NBAS: variants seen among roughly 807,000 people sequenced by gnomAD.
NBAS encodes NBAS subunit of NRZ tethering complex.
A neutral mutation model predicts 302.5 loss-of-function variants in NBAS; 219 were observed. The ratio of observed to expected loss-of-function variants is 0.72; its 90% confidence interval spans 0.65 to 0.81. The LOEUF (loss-of-function observed/expected upper bound fraction) is 0.81, where lower values mean the gene tolerates loss of function less well. Ranked by LOEUF, NBAS falls within the 30% of genes least tolerant of loss-of-function variation. The probability of loss-of-function intolerance (pLI) is 0.00; values close to 1 mark genes in which losing one functional copy is unlikely to be tolerated. For synonymous variants in NBAS, 1,118 were observed against 1,021.6 expected, an observed-to-expected ratio of 1.09 and a Z score of -1.80; for missense variants, 2,932 against 2,841.6, an observed-to-expected ratio of 1.03 and a Z score of -0.72.
the NBAS span, among the ~76,000 whole-genome samples, chr2:15,072,494 T>TA: frequency 4.8e-3 from 726 of 152,022 alleles, 6 homozygotes; most frequent in African/African-American, 0.017. Context: ...TGAAGATTTT[T>TA]AAAAAAATTT....
At chr2:15,218,702 AC>A in intron 48 of NBAS, 70 bp downstream of exon 48, 1 of 1,597,632 alleles carries the variant, frequency 6.3e-7, no homozygotes, top group Non-Finnish European at 8.6e-7. Context: ...TGCTGGGATT[AC>A]AGGCGTGAGC....
chr2:15,003,767 A>C, the NBAS span, among the ~76,000 whole-genome samples: 1 of 152,230 alleles, frequency 6.6e-6, no homozygotes, highest in African/African-American at 2.4e-5. Context: ...GGCTCTAACC[A>C]ACCAGGGGCA....
At chr2:15,052,432 C>A in the NBAS span, among the ~76,000 whole-genome samples, 1 of 152,186 alleles carries the variant, frequency 6.6e-6, no homozygotes, top group Non-Finnish European at 1.5e-5. Flanking sequence ...TCAACTTGTA[C>A]CCAAGAACAC....
In NBAS at chr2:15,467,852, C is replaced by G. The variant is rs368596116; in HGVS notation, c.1878-48G>C. On this transcript the variant is annotated intron_variant, in intron 17 of 51. Coordinates refer to ENST00000281513, the MANE Select transcript of NBAS (RefSeq NM_015909.4). ...ATATTTTCATCATTTTTAAAAACTTCGTGTTGTGAAAAGCTTTCTCCTATT... is the reference window on the plus strand; with the variant it reads ...ATATTTTCATCATTTTTAAAAACTTGGTGTTGTGAAAAGCTTTCTCCTATT... The G allele has an allele frequency of 5.6e-6, 8 of 1,436,274 alleles. No homozygotes were observed. The Admixed American group carries it at 1.3e-4, about 23-fold the overall frequency. The allele number at this position is 1,436,274 out of a possible 1,614,324, so 89.0% of individuals were successfully genotyped here.
chr2:15,197,413 G>A (rs1354127156), intron 48 of NBAS, among the ~76,000 whole-genome samples: 1 of 152,118 alleles, frequency 6.6e-6, no homozygotes, highest in Non-Finnish European at 1.5e-5. Context: ...TCTGTAATTT[G>A]TGCTGATGAC....
chr2:15,300,808 A>G (rs1415192758), intron 40 of NBAS, among the ~76,000 whole-genome samples: 2 of 152,202 alleles, frequency 1.3e-5, no homozygotes, highest in East Asian at 1.9e-4. Context: ...AAGGAGGCCA[A>G]GTAAGTTTCA....
At position 15,459,664 on chromosome 2, in the gene NBAS, A is replaced by G. The variant is rs1572883846; in HGVS notation, c.2339+1537T>C. ...CCAGCTAATTTTTTATATTTTTAGTAGAGATGGGGTTTCACCATGTTAGCC... is the reference window on the plus strand; with the variant it reads ...CCAGCTAATTTTTTATATTTTTAGTGGAGATGGGGTTTCACCATGTTAGCC... On this transcript the variant is annotated intron_variant, in intron 21 of 51. Coordinates refer to ENST00000281513, the MANE Select transcript of NBAS (RefSeq NM_015909.4). Among the ~76,000 whole-genome samples, 3 of 152,020 alleles carry G rather than the reference A, an allele frequency of 2.0e-5. No individual in the cohort carries two copies. The East Asian group carries it at 5.8e-4, about 29-fold the overall frequency.
intron 11 of NBAS, among the ~76,000 whole-genome samples, chr2:15,500,286 T>A (rs1661445526): frequency 6.6e-6 from 1 of 152,206 alleles, no homozygotes; most frequent in South Asian, 2.1e-4. Context: ...CTACATATTC[T>A]TAAAGAAAAA....
At chr2:14,949,262 G>C in the NBAS span, among the ~76,000 whole-genome samples, 4 of 152,218 alleles carry the variant, frequency 2.6e-5, no homozygotes, top group East Asian at 5.8e-4. Context: ...AAGCTAAAAA[G>C]CTTCTGCACA....
chr2:15,032,329 T>C, the NBAS span, among the ~76,000 whole-genome samples: 1 of 152,180 alleles, frequency 6.6e-6, no homozygotes, highest in Non-Finnish European at 1.5e-5. Flanking sequence ...TAAAAGGCCA[T>C]TCTGATGAGG....
the NBAS span, among the ~76,000 whole-genome samples, chr2:15,135,324 A>G: frequency 1.3e-5 from 2 of 152,138 alleles, no homozygotes; most frequent in Non-Finnish European, 2.9e-5. Flanking sequence ...GTGAGTTTGA[A>G]ATGAATCATT....
chr2:15,422,443 T>TG (rs959001014), intron 23 of NBAS, among the ~76,000 whole-genome samples: 1 of 151,950 alleles, frequency 6.6e-6, no homozygotes, highest in Admixed American at 6.6e-5. Context: ...AACTTGTGAG[T>TG]GGGGGGAGCA....
At chr2:15,480,308 T>C (rs920523738) in intron 12 of NBAS, among the ~76,000 whole-genome samples, 3 of 149,444 alleles carry the variant, frequency 2.0e-5, no homozygotes, top group African/African-American at 7.4e-5. Context: ...ACCACCACAC[T>C]CCAGCCTGGG....
chr2:14,982,803 G>A, the NBAS span, among the ~76,000 whole-genome samples: 1,492 of 152,026 alleles, frequency 9.8e-3, 39 homozygotes, highest in East Asian at 0.097. Flanking sequence ...AAAATAACAC[G>A]GTTACAAAAA....
chr2:15,243,000 G>GA (rs1373454076), intron 44 of NBAS, among the ~76,000 whole-genome samples: 1 of 152,014 alleles, frequency 6.6e-6, no homozygotes, highest in Non-Finnish European at 1.5e-5. Flanking sequence ...AGGGACTGAG[G>GA]AATCATGGAT....
At chr2:15,198,596 T>G (rs1351006490) in intron 48 of NBAS, among the ~76,000 whole-genome samples, 1 of 152,172 alleles carries the variant, frequency 6.6e-6, no homozygotes, top group Non-Finnish European at 1.5e-5. Context: ...TGAGGACAAC[T>G]ACATGCTTGG....
At chr2:14,803,054 T>A in the NBAS span, among the ~76,000 whole-genome samples, 1 of 152,158 alleles carries the variant, frequency 6.6e-6, no homozygotes, top group Admixed American at 6.5e-5. Flanking sequence ...AAAATAAAAA[T>A]AAAAAAATAA....
chr2:14,792,408 G>T, the NBAS span, among the ~76,000 whole-genome samples: 9,757 of 152,152 alleles, frequency 0.064, 347 homozygotes, highest in African/African-American at 0.092. Flanking sequence ...TTGAGTATTC[G>T]TGGTGTATCC....
chr2:15,177,060 C>T (rs867762017), intron 51 of NBAS, among the ~76,000 whole-genome samples: 2 of 152,100 alleles, frequency 1.3e-5, no homozygotes, highest in East Asian at 3.8e-4. Context: ...GTCTCATTAC[C>T]GAATTTCTAA....
Sources: gnomAD v4.1 joint callset for allele counts (sites outside exome capture counted in the v4.1 genomes callset) on GRCh38, gnomAD v4.1.1 for gene constraint, MANE v1.5 for transcripts, NCBI Gene and HGNC (gene_info 2026-07-23, HGNC 2026-07-21) for gene names.